CCDC195: variants seen among roughly 807,000 people sequenced by gnomAD.
CCDC195 encodes the protein coiled-coil domain containing 195, also known as coiled-coil domain-containing protein 195.
intron 1 of CCDC195, among the ~76,000 whole-genome samples, chr2:224,710,800 A>G (rs1338260971): frequency 6.6e-6 from 1 of 152,230 alleles, no homozygotes; most frequent in East Asian, 1.9e-4. Flanking sequence ...AGTAAACAAT[A>G]GATGATAGAA....
At chr2:224,707,031 C>T (rs1365361179) in intron 2 of CCDC195, among the ~76,000 whole-genome samples, 1 of 151,930 alleles carries the variant, frequency 6.6e-6, no homozygotes, top group Non-Finnish European at 1.5e-5. Context: ...GTTTCCATAT[C>T]CCACATTTGA....
intron 1 of CCDC195, among the ~76,000 whole-genome samples, chr2:224,715,489 C>G (rs1320932921): frequency 6.6e-6 from 1 of 152,328 alleles, no homozygotes; most frequent in Admixed American, 6.5e-5. Context: ...TTCATTCATA[C>G]AGGACAATAA....
chr2:224,706,775 G>A (rs984675853), intron 2 of CCDC195, among the ~76,000 whole-genome samples: 2 of 151,580 alleles, frequency 1.3e-5, no homozygotes, highest in Non-Finnish European at 2.9e-5. Flanking sequence ...CTCCCAAAGT[G>A]CTGGGATTAC....
chr2:224,710,438 G>A (rs1689302251), intron 1 of CCDC195, among the ~76,000 whole-genome samples: 1 of 152,162 alleles, frequency 6.6e-6, no homozygotes, highest in Non-Finnish European at 1.5e-5. Context: ...GTCAGGCGAT[G>A]GTGACCATCC....
intron 1 of CCDC195, among the ~76,000 whole-genome samples, chr2:224,715,354 G>A (rs965468712): frequency 3.9e-5 from 6 of 152,158 alleles, no homozygotes; most frequent in Non-Finnish European, 5.9e-5. Flanking sequence ...CTGACCCCAT[G>A]TGTAATCTTC....
At chr2:224,706,509 C>CTTT (rs35298629) in intron 2 of CCDC195, among the ~76,000 whole-genome samples, 12 of 95,728 alleles carry the variant, frequency 1.3e-4, no homozygotes, top group East Asian at 3.2e-4. Flanking sequence ...CTGGCTGTAA[C>CTTT]TTTTTTTTTT....
At chr2:224,714,515 C>T (rs1002910239) in intron 1 of CCDC195, among the ~76,000 whole-genome samples, 1 of 152,228 alleles carries the variant, frequency 6.6e-6, no homozygotes, top group African/African-American at 2.4e-5. Flanking sequence ...ATGGTCATAA[C>T]TGGAAGGGGA....
At chr2:224,714,931 T>C (rs1000070272) in intron 1 of CCDC195, among the ~76,000 whole-genome samples, 1 of 152,050 alleles carries the variant, frequency 6.6e-6, no homozygotes, top group African/African-American at 2.4e-5. Context: ...TTCTTTTTTT[T>C]TCCTTTTTTT....
Position 224,704,773 on chromosome 2 carries a change from T to C in CCDC195, c.483-886A>G, listed in dbSNP as rs187651721. On this transcript the variant is annotated intron_variant, in intron 2 of 2. Coordinates refer to ENST00000638102, the Ensembl canonical transcript of CCDC195. ...CAGTAGCTGGGATTACAGGTGCACGTCACCATGCTGGCTAATTTTTGTGTT... is the reference window on the plus strand; with the variant it reads ...CAGTAGCTGGGATTACAGGTGCACGCCACCATGCTGGCTAATTTTTGTGTT... 3.3e-5 allele frequency among the ~76,000 whole-genome samples: 5 copies of C among 152,096 alleles called. No individual in the cohort carries two copies. The East Asian group carries it at 9.7e-4, about 29-fold the overall frequency.
chr2:224,709,511 C>T (rs1036403593), intron 2 of CCDC195, among the ~76,000 whole-genome samples: 16 of 152,314 alleles, frequency 1.1e-4, no homozygotes, highest in Admixed American at 2.6e-4. Flanking sequence ...TTTCCCCTAA[C>T]GCCCACTAAG....
chr2:224,704,913 T>C lies in CCDC195; in HGVS notation c.483-1026A>G, dbSNP rs147674054. ...CTGGGATTTCAGGCATGAGCCACCA[T>C]TCCCAGCCAGGCCAGCTGCACCCTC... On this transcript the variant is annotated intron_variant, in intron 2 of 2. Coordinates refer to ENST00000638102, the Ensembl canonical transcript of CCDC195. Among the ~76,000 whole-genome samples the C allele has an allele frequency of 5.1e-4, 78 of 152,262 alleles. 1 individual carries two copies. Among genetic ancestry groups the C allele is most frequent in the Non-Finnish European group, 6.6e-4 (45 of 68,018 alleles).
At chr2:224,713,304 G>A (rs1689343098) in intron 1 of CCDC195, among the ~76,000 whole-genome samples, 1 of 152,176 alleles carries the variant, frequency 6.6e-6, no homozygotes, top group African/African-American at 2.4e-5. Context: ...TTTCTGACAT[G>A]TCCAATGATA....
At chr2:224,712,450 A>G (rs1353417765) in intron 1 of CCDC195, among the ~76,000 whole-genome samples, 1 of 152,220 alleles carries the variant, frequency 6.6e-6, no homozygotes, top group African/African-American at 2.4e-5. Flanking sequence ...ATGAGCATTT[A>G]CCCAGCAAGG....
exon 1 of CCDC195, chr2:224,716,334 A>G: frequency 2.5e-6 from 1 of 398,590 alleles, no homozygotes; most frequent in Non-Finnish European, 4.4e-6. Context: ...CATTTCCTGG[A>G]TAAGTCTCAT....
rs114306362 is a variant in CCDC195, at chr2:224,713,302, A to C, written c.235+2829T>G. Among the ~76,000 whole-genome samples the C allele has an allele frequency of 6.2e-3, 941 of 152,358 alleles. 6 individuals carry two copies. Among genetic ancestry groups the C allele is most frequent in the South Asian group, 0.025 (121 of 4,830 alleles). On this transcript the variant is annotated intron_variant, in intron 1 of 2. Coordinates refer to ENST00000638102, the Ensembl canonical transcript of CCDC195. The stretch of plus-strand genomic sequence containing the variant: ...AGTCAAATAATAATATTTTTCTGAC[A>C]TGTCCAATGATATTATGACAACTAT...
intron 1 of CCDC195, 26 bp downstream of exon 1, chr2:224,716,105 C>CTGT: frequency 2.5e-6 from 1 of 398,456 alleles, no homozygotes. Context: ...GGGCACAGCC[C>CTGT]ACAAGAGCTC....
intron 2 of CCDC195, among the ~76,000 whole-genome samples, chr2:224,707,896 CTCCT>C (rs1347215554): frequency 2.0e-5 from 3 of 150,462 alleles, no homozygotes; most frequent in African/African-American, 2.4e-5. Flanking sequence ...CTTTCTTTCT[CTCCT>C]TCCTTCCTTC....
chr2:224,711,617 T>G (rs983787888), intron 1 of CCDC195, among the ~76,000 whole-genome samples: 1 of 152,192 alleles, frequency 6.6e-6, no homozygotes, highest in Non-Finnish European at 1.5e-5. Flanking sequence ...TTGTGGAATC[T>G]TCATTCTTTC....
chr2:224,706,552 C>A (rs149298218), intron 2 of CCDC195, among the ~76,000 whole-genome samples: 1,640 of 138,080 alleles, frequency 0.012, 44 homozygotes, highest in African/African-American at 0.042. Flanking sequence ...CGCTGTGTTG[C>A]CAGGCTGGAG....
Sources: allele counts gnomAD v4.1 joint callset (sites outside exome capture counted in the v4.1 genomes callset), GRCh38; gene constraint gnomAD v4.1.1; transcripts MANE v1.5; gene names NCBI Gene and HGNC (gene_info 2026-07-23, HGNC 2026-07-21).